SKIL: variants seen among roughly 807,000 people sequenced by gnomAD.
SKIL encodes ski-like protein.
SKIL carries 20 observed loss-of-function variants against 69.6 expected under a neutral mutation model. The observed-to-expected ratio is 0.29, with a 90% CI of 0.20 to 0.42. The LOEUF (loss-of-function observed/expected upper bound fraction) is 0.42, where lower values mean the gene tolerates loss of function less well. Among genes scored for constraint, SKIL ranks in the 10% least tolerant of loss-of-function variants. SKIL has a pLI of 1.00. For synonymous variants in SKIL, 310 were observed against 279.9 expected, an observed-to-expected ratio of 1.11 and a Z score of -1.08; for missense variants, 745 against 783.1, an observed-to-expected ratio of 0.95 and a Z score of 0.58.
At position 170,391,192 on chromosome 3, in the gene SKIL, A is replaced by T. The variant is rs1737896558; in HGVS notation, c.1828A>T (p.Ile610Leu). 2 of 1,613,330 alleles carry T rather than the reference A, an allele frequency of 1.2e-6. No individual in the cohort carries two copies. The highest frequency in any genetic ancestry group is 1.7e-6 in the Non-Finnish European group (2 of 1,179,344). ...QKDLEKKLEQ[I>L]MKQKCTCDSN... ...AGACTTAGAGAAAAAATTGGAGCAG[A>T]TAATGAAGCAAAAATGTACCTGTGA... The change falls in exon 6 of 7, where the codon ATA (isoleucine) becomes TTA (leucine). Residue 610 changes from isoleucine to leucine, a missense_variant. By Grantham distance (5) the Ile-to-Leu change is conservative (BLOSUM62 2). Coordinates refer to ENST00000259119, the MANE Select transcript of SKIL (RefSeq NM_005414.5).
chr3:170,367,933 G>A (rs770383827), intron 2 of SKIL, among the ~76,000 whole-genome samples: 10 of 152,092 alleles, frequency 6.6e-5, no homozygotes, highest in Non-Finnish European at 1.2e-4. Flanking sequence ...AAGCGTATTA[G>A]CCGTTTGAGA....
At chr3:170,382,926 C>T (rs914719199) in intron 3 of SKIL, among the ~76,000 whole-genome samples, 1 of 151,948 alleles carries the variant, frequency 6.6e-6, no homozygotes, top group Non-Finnish European at 1.5e-5. Flanking sequence ...ACCATGTTGG[C>T]CAGGCTGGTC....
chr3:170,372,248 A>G (rs1373928948), intron 2 of SKIL, among the ~76,000 whole-genome samples: 2 of 152,212 alleles, frequency 1.3e-5, no homozygotes, highest in African/African-American at 4.8e-5. Flanking sequence ...AGGACTCAAA[A>G]TAATAGTTGC....
intron 3 of SKIL, among the ~76,000 whole-genome samples, chr3:170,381,568 G>T (rs1277349119): frequency 6.6e-6 from 1 of 151,904 alleles, no homozygotes; most frequent in Non-Finnish European, 1.5e-5. Flanking sequence ...GAGTAGCGGG[G>T]ACTACAGGCT....
intron 3 of SKIL, 78 bp downstream of exon 3, chr3:170,381,419 A>G (rs900813323): frequency 2.6e-5 from 20 of 755,364 alleles, no homozygotes; most frequent in African/African-American, 2.5e-4. Flanking sequence ...ATTCTAGGAC[A>G]TGGGAATTTA....
At chr3:170,387,753 C>T (rs56397496) in intron 4 of SKIL, among the ~76,000 whole-genome samples, 1 of 29,482 alleles carries the variant, frequency 3.4e-5, no homozygotes, top group Non-Finnish European at 9.1e-5. Flanking sequence ...GAAACCCCGT[C>T]TCTACTAAAA....
At chr3:170,377,144 A>G (rs1737068269) in intron 2 of SKIL, among the ~76,000 whole-genome samples, 1 of 152,210 alleles carries the variant, frequency 6.6e-6, no homozygotes, top group South Asian at 2.1e-4. Flanking sequence ...AGGCTGAGGA[A>G]CTATGTAAAT....
chr3:170,395,851 G>A lies in SKIL; in HGVS notation c.*3434G>A, dbSNP rs537570608. 5.7e-4 allele frequency: 86 copies of A among 151,780 alleles called. No homozygotes were observed. Among genetic ancestry groups the A allele is most frequent in the African/African-American group, 1.7e-3 (72 of 41,442 alleles). The allele number at this position is 151,780 out of a possible 1,614,324, so 9.4% of individuals were successfully genotyped here. ...GAACTACTTGTTAATAGTTTTTATCGAAGCTGTCAGCAATAAGGGACATAA... is the reference window on the plus strand; with the variant it reads ...GAACTACTTGTTAATAGTTTTTATCAAAGCTGTCAGCAATAAGGGACATAA... On this transcript the variant is annotated 3_prime_UTR_variant, in exon 7 of 7. Transcript: ENST00000259119.
intron 2 of SKIL, among the ~76,000 whole-genome samples, chr3:170,373,482 G>A (rs1295052952): frequency 5.9e-5 from 9 of 152,032 alleles, no homozygotes; most frequent in Admixed American, 3.3e-4. Flanking sequence ...CTGGCCTTCC[G>A]GCTCATATAT....
intron 2 of SKIL, among the ~76,000 whole-genome samples, chr3:170,364,709 A>T (rs1175495866): frequency 3.3e-5 from 5 of 152,046 alleles, no homozygotes; most frequent in Non-Finnish European, 7.4e-5. Flanking sequence ...TGTGAAAAAC[A>T]TCTGAGAACC....
At chr3:170,380,770 GTC>G (rs1354599080) in intron 2 of SKIL, among the ~76,000 whole-genome samples, 7 of 152,278 alleles carry the variant, frequency 4.6e-5, no homozygotes, top group Admixed American at 4.6e-4. Flanking sequence ...TCATGTGGGT[GTC>G]TCTGAGTTTC....
At chr3:170,362,427 C>T (rs571074985) in intron 2 of SKIL, among the ~76,000 whole-genome samples, 7 of 151,932 alleles carry the variant, frequency 4.6e-5, no homozygotes, top group African/African-American at 1.4e-4. Context: ...GCTTGAACCC[C>T]GGAGGCGGAG....
At position 170,370,151 on chromosome 3, in the gene SKIL, A is replaced by G. The variant is rs567207897; in HGVS notation, c.1098+8722A>G. On this transcript the variant is annotated intron_variant, in intron 2 of 6. Coordinates refer to ENST00000259119, the MANE Select transcript of SKIL (RefSeq NM_005414.5). Reference sequence around the variant, plus strand: ...CTACTCGGGAGGCTGAGGCAGGAGAATGGCGTAAACCCGGGAGGCGGAGCT... The same window carrying G: ...CTACTCGGGAGGCTGAGGCAGGAGAGTGGCGTAAACCCGGGAGGCGGAGCT... Among the ~76,000 whole-genome samples the G allele has an allele frequency of 1.6e-3, 236 of 152,188 alleles. 1 individual carries two copies. Among genetic ancestry groups the G allele is most frequent in the Non-Finnish European group, 2.4e-3 (164 of 68,002 alleles).
chr3:170,360,607 A>G lies in SKIL; in HGVS notation c.276A>G (p.Gln92=). ...LNPSLKHTLA[Q]FHLSSQSSLG... ...CCAGTTTGAAACACACATTGGCACAATTCCATTTAAGTAGTCAGAGCTCGC... is the reference window on the plus strand; with the variant it reads ...CCAGTTTGAAACACACATTGGCACAGTTCCATTTAAGTAGTCAGAGCTCGC... Residue 92 remains glutamine (Q), a synonymous_variant, in exon 2 of 7, where the codon CAA becomes CAG. Coordinates refer to ENST00000259119, the MANE Select transcript of SKIL (RefSeq NM_005414.5). The G allele has an allele frequency of 6.2e-7, 1 of 1,614,238 alleles. No homozygotes were observed.
chr3:170,365,012 AC>A (rs932022787), intron 2 of SKIL, among the ~76,000 whole-genome samples: 2 of 152,234 alleles, frequency 1.3e-5, no homozygotes, highest in African/African-American at 2.4e-5. Context: ...AATTTCAAAC[AC>A]CCATACTTTA....
In SKIL at chr3:170,394,323, A is replaced by G. The variant is rs945561588; in HGVS notation, c.*1906A>G. On this transcript the variant is annotated 3_prime_UTR_variant, in exon 7 of 7. Coordinates refer to ENST00000259119, the MANE Select transcript of SKIL (RefSeq NM_005414.5). Reference sequence around the variant, plus strand: ...TAGAAACAAATATTTAAAATGACATATTCTCCCAATACAATCTATTTAGAT... The same window carrying G: ...TAGAAACAAATATTTAAAATGACATGTTCTCCCAATACAATCTATTTAGAT... The G allele has an allele frequency of 6.6e-6, 1 of 151,838 alleles. No individual in the cohort carries two copies. Among genetic ancestry groups the G allele is most frequent in the African/African-American group, 2.4e-5 (1 of 41,334 alleles). 9.4% of individuals were successfully genotyped at this position (151,838 alleles called of 1,614,324 possible).
At chr3:170,385,737 CTATT>C (rs940811054) in intron 4 of SKIL, among the ~76,000 whole-genome samples, 8 of 151,552 alleles carry the variant, frequency 5.3e-5, no homozygotes, top group African/African-American at 1.7e-4. Flanking sequence ...GGAGGGTCCT[CTATT>C]TATTTAAGTT....
At chr3:170,383,197 G>A (rs1737449933) in intron 3 of SKIL, among the ~76,000 whole-genome samples, 1 of 152,046 alleles carries the variant, frequency 6.6e-6, no homozygotes. Flanking sequence ...CTCCAAGTAT[G>A]GTGATAAGGG....
chr3:170,386,484 G>C (rs189705614), intron 4 of SKIL, among the ~76,000 whole-genome samples: 1 of 152,102 alleles, frequency 6.6e-6, no homozygotes, highest in Non-Finnish European at 1.5e-5. Flanking sequence ...TTCTTTTTTA[G>C]AGACAGAGTC....
Sources: allele counts gnomAD v4.1 joint callset (sites outside exome capture counted in the v4.1 genomes callset), GRCh38; gene constraint gnomAD v4.1.1; transcripts MANE v1.5; gene names NCBI Gene and HGNC (gene_info 2026-07-23, HGNC 2026-07-21).